The following SLC8A3 variants were observed in gnomAD, a reference collection of about 807,000 sequenced individuals.
The protein encoded by SLC8A3 is solute carrier family 8 member A3, also known as sodium/calcium exchanger 3.
SLC8A3 carries 37 observed loss-of-function variants against 65.4 expected under a neutral mutation model. The observed-to-expected ratio is 0.57, with a 90% CI of 0.44 to 0.74. SLC8A3 has a LOEUF of 0.74. SLC8A3 is among the 30% of genes least tolerant of loss of function. The pLI is 0.00. For missense variants in SLC8A3, 1,112 were observed against 1,172.1 expected, an observed-to-expected ratio of 0.95 and a Z score of 0.75; for synonymous variants, 461 against 444.5, an observed-to-expected ratio of 1.04 and a Z score of -0.47.
chr14:70,051,862 G>A, intron 4 of SLC8A3, 128 bp downstream of exon 4: 1 of 699,368 alleles, frequency 1.4e-6, no homozygotes, highest in Non-Finnish European at 2.4e-6. Context: ...GAGACCTGGG[G>A]TGGGTAAGTG....
chr14:70,174,662 G>GTTTGTTTTTTTTTT (rs1566833477), intron 1 of SLC8A3, among the ~76,000 whole-genome samples: 7 of 66,516 alleles, frequency 1.1e-4, no homozygotes, highest in South Asian at 5.1e-4. Context: ...TTTTTTTTTT[G>GTTTGTTTTTTTTTT]TTTTTTTTTT....
At chr14:70,047,922 G>C (rs1886976775) in intron 6 of SLC8A3, 1 of 152,198 alleles carries the variant, frequency 6.6e-6, no homozygotes, top group Admixed American at 6.5e-5. Flanking sequence ...TTCTTCCTAG[G>C]ATTTAACAAG....
At chr14:70,060,589 C>A (rs145726854) in intron 3 of SLC8A3, 7 of 627,868 alleles carry the variant, frequency 1.1e-5, no homozygotes, top group African/African-American at 1.8e-5. Flanking sequence ...GCCCAGAAGG[C>A]GGTAAAGGAG....
At chr14:70,086,614 G>A (rs890150638) in intron 2 of SLC8A3, among the ~76,000 whole-genome samples, 3 of 151,916 alleles carry the variant, frequency 2.0e-5, no homozygotes, top group Non-Finnish European at 2.9e-5. Context: ...ATGTTGGCCA[G>A]GCTGGTCTCG....
intron 2 of SLC8A3, among the ~76,000 whole-genome samples, chr14:70,087,328 T>A (rs1385818018): frequency 6.6e-6 from 1 of 152,196 alleles, no homozygotes; most frequent in East Asian, 1.9e-4. Flanking sequence ...AGGAAGCTCT[T>A]AGGCTGCTGT....
At chr14:70,140,548 C>T (rs1409546553) in intron 2 of SLC8A3, among the ~76,000 whole-genome samples, 2 of 152,188 alleles carry the variant, frequency 1.3e-5, no homozygotes, top group Non-Finnish European at 2.9e-5. Context: ...GTCCTTGCTC[C>T]ACCTCACACC....
At chr14:70,079,187 A>G (rs1230012224) in intron 2 of SLC8A3, among the ~76,000 whole-genome samples, 1 of 152,036 alleles carries the variant, frequency 6.6e-6, no homozygotes, top group Non-Finnish European at 1.5e-5. Flanking sequence ...CTTAATAAAA[A>G]TATCTGTTGA....
intron 2 of SLC8A3, among the ~76,000 whole-genome samples, chr14:70,164,441 G>T (rs946726423): frequency 2.0e-5 from 3 of 152,096 alleles, no homozygotes; most frequent in African/African-American, 7.2e-5. Flanking sequence ...ACATAGATTT[G>T]TTCACCAAAC....
chr14:70,105,287 C>CCACT (rs948914696), intron 2 of SLC8A3, among the ~76,000 whole-genome samples: 8 of 152,046 alleles, frequency 5.3e-5, no homozygotes, highest in Admixed American at 5.2e-4. Context: ...CGAGATCGAG[C>CCACT]CACTGCACTC....
chr14:70,097,664 A>C (rs1361479634), intron 2 of SLC8A3, among the ~76,000 whole-genome samples: 1 of 152,240 alleles, frequency 6.6e-6, no homozygotes, highest in East Asian at 1.9e-4. Context: ...TTCAATAAAC[A>C]TTAGCTGTGA....
chr14:70,061,094 G>T (rs1359799811), intron 2 of SLC8A3, among the ~76,000 whole-genome samples, 155 bp from the exon 3 acceptor site: 3 of 152,108 alleles, frequency 2.0e-5, no homozygotes, highest in African/African-American at 7.2e-5. Flanking sequence ...GGATTGTGTT[G>T]TTCTCAGGTA....
Position 70,108,701 on chromosome 14 carries a change from T to A in SLC8A3, c.1785-47762A>T, listed in dbSNP as rs188652388. Among the ~76,000 whole-genome samples, 4 of 152,342 alleles carry A rather than the reference T, an allele frequency of 2.6e-5. No homozygotes were observed. In the East Asian group the frequency reaches 7.7e-4, roughly 29 times the overall value. On this transcript the variant is annotated intron_variant, in intron 2 of 6. Transcript: ENST00000356921. ...CACAAGTTTATTTAAGAATCTTCCA[T>A]CCTTAGATAAAGTAGCTTTAAAATA...
intron 1 of SLC8A3, among the ~76,000 whole-genome samples, chr14:70,177,424 C>T (rs575425681): frequency 6.6e-6 from 1 of 152,292 alleles, no homozygotes; most frequent in Admixed American, 6.5e-5. Flanking sequence ...TACACCAAAA[C>T]AACTACCAGA....
intron 2 of SLC8A3, among the ~76,000 whole-genome samples, chr14:70,122,807 C>A (rs1448022378): frequency 2.0e-5 from 3 of 152,118 alleles, no homozygotes; most frequent in African/African-American, 7.2e-5. Flanking sequence ...CACGGTGGCT[C>A]ACACCTGTAA....
At position 70,128,597 on chromosome 14, in the gene SLC8A3, C is replaced by T. The variant is rs577529892; in HGVS notation, c.1784+38042G>A. Among the ~76,000 whole-genome samples the T allele has an allele frequency of 1.4e-3, 220 of 152,314 alleles. 7 individuals are homozygous for T. In the South Asian group the frequency reaches 0.033, roughly 23 times the overall value. On this transcript the variant is annotated intron_variant, in intron 2 of 6. Coordinates refer to ENST00000356921, the MANE Select transcript of SLC8A3 (RefSeq NM_182932.3). The stretch of plus-strand genomic sequence containing the variant: ...TCTCTTAGAGTGGTTGCATTTTTAG[C>T]ATTTTTCAGTTAATTTGATGGCATT...
chr14:70,096,738 A>G (rs1892205271), intron 2 of SLC8A3, among the ~76,000 whole-genome samples: 1 of 152,180 alleles, frequency 6.6e-6, no homozygotes, highest in African/African-American at 2.4e-5. Flanking sequence ...CTCAAGTCCT[A>G]AACACAACAG....
intron 5 of SLC8A3, among the ~76,000 whole-genome samples, chr14:70,050,429 T>C (rs1431619243): frequency 6.6e-6 from 1 of 152,120 alleles, no homozygotes; most frequent in Non-Finnish European, 1.5e-5. Flanking sequence ...TGGGAGACCT[T>C]TTCCGTCCCT....
intron 1 of SLC8A3, among the ~76,000 whole-genome samples, chr14:70,185,259 G>A (rs112221795): frequency 1.3e-5 from 2 of 152,168 alleles, no homozygotes; most frequent in African/African-American, 2.4e-5. Context: ...GAGCCACCAC[G>A]CCCATCCTAT....
chr14:70,161,206 C>G (rs903213924), intron 2 of SLC8A3, among the ~76,000 whole-genome samples: 1 of 126,322 alleles, frequency 7.9e-6, no homozygotes, highest in Admixed American at 9.9e-5. Context: ...AGGAGAATGG[C>G]GTGAACCCGG....
Sources: allele counts gnomAD v4.1 joint callset (sites outside exome capture counted in the v4.1 genomes callset), GRCh38; gene constraint gnomAD v4.1.1; transcripts MANE v1.5; gene names NCBI Gene and HGNC (gene_info 2026-07-23, HGNC 2026-07-21).